The following PTPRD variants were observed in gnomAD, a reference collection of about 807,000 sequenced individuals.
PTPRD encodes receptor-type tyrosine-protein phosphatase delta.
PTPRD carries 34 observed loss-of-function variants against 214.5 expected under a neutral mutation model. The ratio of observed to expected loss-of-function variants is 0.16; its 90% confidence interval spans 0.12 to 0.21. PTPRD has a LOEUF of 0.21. Among genes scored for constraint, PTPRD ranks in the 10% least tolerant of loss-of-function variants. The pLI, the probability that PTPRD is intolerant of heterozygous loss-of-function variation, is 1.00. For synonymous variants in PTPRD, 1,128 were observed against 845.7 expected, an observed-to-expected ratio of 1.33 and a Z score of -5.79; for missense variants, 2,545 against 2,398.7, an observed-to-expected ratio of 1.06 and a Z score of -1.27.
chr9:9,824,007 CATAAAAAT>C, intron 5 of PTPRD, among the ~76,000 whole-genome samples: 1 of 151,958 alleles, frequency 6.6e-6, no homozygotes, highest in South Asian at 2.1e-4. Flanking sequence ...ATTATGCATT[CATAAAAAT>C]GTAAAAATGA....
intron 12 of PTPRD, among the ~76,000 whole-genome samples, chr9:8,697,518 G>T (rs1453973727): frequency 4.1e-5 from 6 of 148,104 alleles, no homozygotes; most frequent in African/African-American, 1.5e-4. Flanking sequence ...CACCTCCCAG[G>T]TTCAAGCAAT....
At chr9:9,568,392 C>T (rs985281661) in intron 8 of PTPRD, among the ~76,000 whole-genome samples, 1 of 151,784 alleles carries the variant, frequency 6.6e-6, no homozygotes, top group Non-Finnish European at 1.5e-5. Flanking sequence ...AATATTCTGC[C>T]TTCTCATCTT....
At chr9:10,518,580 T>C (rs1039483996) in intron 2 of PTPRD, among the ~76,000 whole-genome samples, 9 of 152,004 alleles carry the variant, frequency 5.9e-5, no homozygotes, top group Admixed American at 5.9e-4. Flanking sequence ...TCACCCAGGC[T>C]GGAGTGCAGC....
intron 12 of PTPRD, among the ~76,000 whole-genome samples, chr9:8,643,907 C>CA (rs1470373944): frequency 1.3e-5 from 2 of 152,136 alleles, no homozygotes; most frequent in African/African-American, 4.8e-5. Flanking sequence ...GGTGAGGTCC[C>CA]ACCTTCAGGC....
At chr9:9,262,698 T>C (rs896734998) in intron 9 of PTPRD, among the ~76,000 whole-genome samples, 1 of 151,680 alleles carries the variant, frequency 6.6e-6, no homozygotes, top group African/African-American at 2.4e-5. Flanking sequence ...AATCAGAGGT[T>C]CTTTTATAAC....
intron 3 of PTPRD, among the ~76,000 whole-genome samples, chr9:10,117,720 T>A (rs2098742557): frequency 6.6e-6 from 1 of 151,862 alleles, no homozygotes; most frequent in Non-Finnish European, 1.5e-5. Flanking sequence ...AAGGGCATTT[T>A]CACAGGAACT....
intron 11 of PTPRD, among the ~76,000 whole-genome samples, chr9:8,865,483 A>G (rs2098180275): frequency 6.6e-6 from 1 of 152,180 alleles, no homozygotes; most frequent in African/African-American, 2.4e-5. Flanking sequence ...TACATGATAC[A>G]TCACTGTCTT....
At chr9:10,006,218 G>A (rs1051048938) in intron 4 of PTPRD, among the ~76,000 whole-genome samples, 45 of 151,998 alleles carry the variant, frequency 3.0e-4, no homozygotes, top group Admixed American at 2.4e-3. Context: ...TTAATACATT[G>A]ATGATTTACA....
intron 3 of PTPRD, among the ~76,000 whole-genome samples, chr9:10,122,826 A>C (rs898073303): frequency 1.3e-5 from 2 of 152,210 alleles, no homozygotes; most frequent in African/African-American, 4.8e-5. Context: ...ATCACCTGGC[A>C]GCTGACTAAC....
intron 8 of PTPRD, among the ~76,000 whole-genome samples, chr9:9,447,741 G>A (rs1012164128): frequency 6.6e-6 from 1 of 152,108 alleles, no homozygotes; most frequent in Non-Finnish European, 1.5e-5. Flanking sequence ...GATTACAATT[G>A]CTATGGGGTG....
At chr9:10,444,494 G>T (rs756216511) in intron 2 of PTPRD, among the ~76,000 whole-genome samples, 1 of 151,812 alleles carries the variant, frequency 6.6e-6, no homozygotes, top group Non-Finnish European at 1.5e-5. Flanking sequence ...TACTGAGGTT[G>T]TAGGACATGT....
chr9:10,190,386 GAAAAAAAAAAAA>G (rs66511711), intron 3 of PTPRD, among the ~76,000 whole-genome samples: 4 of 50,156 alleles, frequency 8.0e-5, no homozygotes, highest in Non-Finnish European at 1.5e-4. Flanking sequence ...TCTATCTCCA[GAAAAAAAAAAAA>G]AAAAAAAAAA....
At chr9:10,476,694 A>G (rs1224713951) in intron 2 of PTPRD, among the ~76,000 whole-genome samples, 1 of 152,154 alleles carries the variant, frequency 6.6e-6, no homozygotes, top group Non-Finnish European at 1.5e-5. Context: ...AATCCTAAGC[A>G]AAAACAACAA....
chr9:8,526,186 CT>C (rs3833706), intron 17 of PTPRD, among the ~76,000 whole-genome samples: 38,135 of 148,748 alleles, frequency 0.26, 5,146 homozygotes, highest in East Asian at 0.41. Flanking sequence ...ACCACCTTGG[CT>C]TTGGTCCAGA....
chr9:8,675,810 C>T (rs1397639738), intron 12 of PTPRD, among the ~76,000 whole-genome samples: 2 of 152,178 alleles, frequency 1.3e-5, no homozygotes, highest in Non-Finnish European at 2.9e-5. Context: ...ATTTTAGAAG[C>T]ATTCCAACTT....
intron 8 of PTPRD, among the ~76,000 whole-genome samples, chr9:9,569,158 T>A (rs1455257371): frequency 6.6e-6 from 1 of 151,556 alleles, no homozygotes; most frequent in African/African-American, 2.4e-5. Flanking sequence ...ATAGTAATAA[T>A]CCTCTAACTA....
rs780545876 is a variant in PTPRD at position 8,471,034 on chromosome 9, G to C, written c.3465C>G (p.Ile1155Met). The change falls in exon 31 of 46, where the codon ATC becomes ATG. Residue 1155 changes from isoleucine to methionine, a missense_variant. Physicochemically the swap from Ile to Met is conservative, Grantham distance 10. Coordinates refer to ENST00000381196, the MANE Select transcript of PTPRD (RefSeq NM_002839.4). ...TTTCATCTGGACTCTCCCATGGCTT[G>C]ATAAATTTCCCGCGAGATTTCTTCA... is the stretch of plus-strand genomic sequence containing the variant. ...VPLKKSRGKFIKPWESPDEME... is the reference protein window; with the variant it reads ...VPLKKSRGKFMKPWESPDEME... 3.7e-6 allele frequency: 6 copies of C among 1,613,470 alleles called. No individual in the cohort carries two copies. Among genetic ancestry groups the C allele is most frequent in the South Asian group, 1.1e-5 (1 of 91,068 alleles).
At chr9:10,566,427 T>A (rs1488661487) in intron 2 of PTPRD, among the ~76,000 whole-genome samples, 1 of 152,040 alleles carries the variant, frequency 6.6e-6, no homozygotes, top group Non-Finnish European at 1.5e-5. Context: ...ATATTTAGTA[T>A]TGTTAGACTT....
chr9:9,907,604 C>A (rs2077971008), intron 5 of PTPRD, among the ~76,000 whole-genome samples: 1 of 151,916 alleles, frequency 6.6e-6, no homozygotes, highest in Admixed American at 6.6e-5. Context: ...AACCTTATTT[C>A]TTTTAAAGCT....
Sources: gnomAD v4.1 joint callset for allele counts (sites outside exome capture counted in the v4.1 genomes callset) on GRCh38, gnomAD v4.1.1 for gene constraint, MANE v1.5 for transcripts, NCBI Gene and HGNC (gene_info 2026-07-23, HGNC 2026-07-21) for gene names.